The following BCHE variants were observed in gnomAD, a reference collection of about 807,000 sequenced individuals.
The protein encoded by BCHE is cholinesterase.
A neutral mutation model predicts 51.3 loss-of-function variants in BCHE; 48 were observed. The ratio of observed to expected loss-of-function variants is 0.94; its 90% CI spans 0.74 to 1.19. The LOEUF is 1.19. BCHE is among the 50% of genes most tolerant of loss of function. The probability of loss-of-function intolerance (pLI) is 0.00; values close to 1 mark genes in which losing one functional copy is unlikely to be tolerated. For synonymous variants in BCHE, 251 were observed against 238.0 expected, an observed-to-expected ratio of 1.05 and a Z score of -0.50; for missense variants, 847 against 708.2, an observed-to-expected ratio of 1.20 and a Z score of -2.23.
intron 2 of BCHE, among the ~76,000 whole-genome samples, chr3:165,808,990 T>G (rs1713976793): frequency 6.6e-6 from 1 of 152,166 alleles, no homozygotes; most frequent in African/African-American, 2.4e-5. Context: ...TATGGAGTAA[T>G]GTACTTACAG....
At chr3:165,816,308 G>A (rs1714311575) in intron 2 of BCHE, among the ~76,000 whole-genome samples, 1 of 151,856 alleles carries the variant, frequency 6.6e-6, no homozygotes, top group Admixed American at 6.6e-5. Flanking sequence ...AAATTAAGTA[G>A]ATAGAGTTGA....
chr3:165,810,584 T>G (rs1714054367), intron 2 of BCHE, among the ~76,000 whole-genome samples: 1 of 152,142 alleles, frequency 6.6e-6, no homozygotes, highest in African/African-American at 2.4e-5. Context: ...ACTAAAGGCA[T>G]GACAAACATG....
At chr3:165,828,014 T>C (rs1307958966) in intron 2 of BCHE, 2 of 455,954 alleles carry the variant, frequency 4.4e-6, no homozygotes, top group South Asian at 3.1e-5. Flanking sequence ...GAATATCAAA[T>C]CAAAACCACA....
intron 2 of BCHE, among the ~76,000 whole-genome samples, chr3:165,825,010 CTG>C (rs966851640): frequency 6.6e-6 from 1 of 151,684 alleles, no homozygotes; most frequent in African/African-American, 2.4e-5. Context: ...ATAGACATAA[CTG>C]TTTTTTTTTC....
At chr3:165,792,351 G>A (rs1467382232) in intron 2 of BCHE, among the ~76,000 whole-genome samples, 1 of 152,032 alleles carries the variant, frequency 6.6e-6, no homozygotes, top group Non-Finnish European at 1.5e-5. Flanking sequence ...ACCCGGAAAA[G>A]AGTTAACCGA....
chr3:165,787,671 A>G (rs1460823745), intron 2 of BCHE, among the ~76,000 whole-genome samples: 1 of 151,992 alleles, frequency 6.6e-6, no homozygotes, highest in Non-Finnish European at 1.5e-5. Flanking sequence ...AATAATGACG[A>G]AAAAACTAGT....
At chr3:165,825,913 C>T (rs1050308838) in intron 2 of BCHE, among the ~76,000 whole-genome samples, 4 of 152,056 alleles carry the variant, frequency 2.6e-5, no homozygotes, top group African/African-American at 9.7e-5. Flanking sequence ...ACATCTATAT[C>T]CATCAGATAG....
chr3:165,794,378 G>T lies in BCHE; in HGVS notation c.1518-8067C>A, dbSNP rs561049410. Among the ~76,000 whole-genome samples the T allele has an allele frequency of 2.0e-5, 3 of 152,260 alleles. No individual in the cohort carries two copies. In the South Asian group the frequency reaches 6.2e-4, roughly 32 times the overall value. The stretch of plus-strand genomic sequence containing the variant: ...ACATATACACAAGCTGTCATAGTCT[G>T]CTTGGGATTATATAACAGAATATCA... On this transcript the variant is annotated intron_variant, in intron 2 of 3. Coordinates refer to ENST00000264381, the MANE Select transcript of BCHE (RefSeq NM_000055.4).
At chr3:165,788,088 T>C (rs1713024546) in intron 2 of BCHE, among the ~76,000 whole-genome samples, 1 of 145,104 alleles carries the variant, frequency 6.9e-6, no homozygotes, top group Admixed American at 7.1e-5. Flanking sequence ...TAGATAGAAA[T>C]TTTGGAGTAG....
chr3:165,799,991 T>A (rs567612964), intron 2 of BCHE, among the ~76,000 whole-genome samples: 16 of 145,868 alleles, frequency 1.1e-4, no homozygotes, highest in African/African-American at 3.8e-4. Context: ...CAATGTCCCA[T>A]TTAGCCTTCA....
intron 2 of BCHE, among the ~76,000 whole-genome samples, chr3:165,815,708 TAAG>T (rs1227985673): frequency 2.0e-5 from 3 of 152,108 alleles, no homozygotes; most frequent in African/African-American, 4.8e-5. Flanking sequence ...ACATATTACA[TAAG>T]AAGTATATTC....
chr3:165,803,057 A>C (rs1276121551), intron 2 of BCHE, among the ~76,000 whole-genome samples: 14 of 152,156 alleles, frequency 9.2e-5, no homozygotes, highest in Admixed American at 9.2e-4. Flanking sequence ...TATTTTTTAA[A>C]GGAAGAGTAC....
At chr3:165,775,768 GA>G (rs1186697980) in intron 3 of BCHE, among the ~76,000 whole-genome samples, 1 of 151,830 alleles carries the variant, frequency 6.6e-6, no homozygotes, top group Non-Finnish European at 1.5e-5. Flanking sequence ...ATCTGCTTTA[GA>G]AATAGGGGGC....
chr3:165,785,902 G>A (rs1157801207), intron 3 of BCHE, among the ~76,000 whole-genome samples: 3 of 151,506 alleles, frequency 2.0e-5, no homozygotes, highest in East Asian at 1.9e-4. Context: ...TTTCCACAGG[G>A]TGAAATCTAT....
rs1243216601 is a variant in BCHE, at chr3:165,773,498, C to A, written c.1693G>T (p.Asp565Tyr). The part of the protein sequence containing the change: ...PKVLEMTGNI[D>Y]EAEWEWKAGF... ...GCTTTCCACTCCCATTCTGCTTCAT[C>A]AATATTTCCTGTAAAATATGGAATA... Residue 565 changes from aspartate to tyrosine, a missense_variant, in exon 4 of 4, where the codon GAT becomes TAT. Coordinates refer to ENST00000264381, the MANE Select transcript of BCHE (RefSeq NM_000055.4). The A allele has an allele frequency of 1.9e-6, 3 of 1,604,946 alleles. No individual in the cohort carries two copies. Among genetic ancestry groups the A allele is most frequent in the Non-Finnish European group, 2.6e-6 (3 of 1,172,432 alleles).
At chr3:165,825,217 C>A (rs1263625468) in intron 2 of BCHE, among the ~76,000 whole-genome samples, 2 of 151,842 alleles carry the variant, frequency 1.3e-5, no homozygotes, top group Non-Finnish European at 2.9e-5. Context: ...AAGAAAGTAG[C>A]CTAAGTAATT....
rs1286146807 is a variant in BCHE at position 165,830,625 on chromosome 3, C to G, written c.409G>C (p.Val137Leu). 1.2e-6 allele frequency: 2 copies of G among 1,613,988 alleles called. No homozygotes were observed. Among genetic ancestry groups the G allele is most frequent in the East Asian group, 2.2e-5 (1 of 44,862 alleles). ...IPAPKPKNATVLIWIYGGGFQ... is the reference protein window; with the variant it reads ...IPAPKPKNATLLIWIYGGGFQ... ...CCACCACCATAAATCCATATCAATA[C>G]AGTGGCATTTTTTGGTTTAGGTGCT... The change falls in exon 2 of 4, where the codon GTA (valine) becomes CTA (leucine). Residue 137 changes from valine to leucine, a missense_variant. Transcript: ENST00000264381.
rs1363066848 is a variant in BCHE, at chr3:165,773,063, A to G, written c.*319T>C. The G allele has an allele frequency of 4.8e-6, 1 of 206,524 alleles. No individual in the cohort carries two copies. Among genetic ancestry groups the G allele is most frequent in the African/African-American group, 2.5e-5 (1 of 40,352 alleles). The allele number at this position is 206,524 out of a possible 1,614,324, so 12.8% of individuals were successfully genotyped here. On this transcript the variant is annotated 3_prime_UTR_variant, in exon 4 of 4. Transcript: ENST00000264381. ...GGTAATGAAAATACACGTGACTAAAAGCAGAGCACTGATAATTTTGGGGGG... is the reference window on the plus strand; with the variant it reads ...GGTAATGAAAATACACGTGACTAAAGGCAGAGCACTGATAATTTTGGGGGG...
intron 2 of BCHE, among the ~76,000 whole-genome samples, chr3:165,802,135 C>T (rs1283401609): frequency 6.6e-6 from 1 of 152,154 alleles, no homozygotes; most frequent in African/African-American, 2.4e-5. Context: ...GCTTTGCAAC[C>T]AGAGTCTGCT....
Sources: gnomAD v4.1 joint callset for allele counts (sites outside exome capture counted in the v4.1 genomes callset) on GRCh38, gnomAD v4.1.1 for gene constraint, MANE v1.5 for transcripts, NCBI Gene and HGNC (gene_info 2026-07-23, HGNC 2026-07-21) for gene names.